Variants in MIIP observed in about 807,000 individuals in gnomAD.
The protein encoded by MIIP is migration and invasion inhibitory protein.
A neutral mutation model predicts 44.8 loss-of-function variants in MIIP; 44 were observed. The ratio of observed to expected loss-of-function variants is 0.98; its 90% CI spans 0.77 to 1.26. The LOEUF (loss-of-function observed/expected upper bound fraction) is 1.26. Ranked by LOEUF, MIIP falls within the 50% of genes most tolerant of loss-of-function variation. The pLI, the probability that MIIP is intolerant of heterozygous loss-of-function variation, is 0.00. For synonymous variants in MIIP, 225 were observed against 218.3 expected (o/e 1.03, Z -0.27); for missense variants, 496 against 511.7 (o/e 0.97, Z 0.30).
In MIIP at chr1:12,022,352, C is replaced by T; in HGVS notation, c.372C>T (p.Asp124=). Residue 124 remains aspartate (D), a synonymous_variant, in exon 3 of 10, where the codon GAC becomes GAT. Transcript: ENST00000235332. ...CGCTGGGCACCTCAAGCCTGAGGGACCCAGAGCCCTCAGGGAGGCTGGGTG... is the reference window on the plus strand; with the variant it reads ...CGCTGGGCACCTCAAGCCTGAGGGATCCAGAGCCCTCAGGGAGGCTGGGTG... ...APSLGTSSLR[D]PEPSGRLGDP... 6.2e-7 allele frequency: 1 copy of T among 1,613,706 alleles called. No homozygotes were observed. The highest frequency in any genetic ancestry group is 1.1e-5 in the South Asian group (1 of 91,068).
In MIIP at chr1:12,031,742, GC is replaced by G. The variant is rs1372794079; in HGVS notation, c.1106del (p.Pro369ArgfsTer23). ...TCCAGGCCTCACCAATGCAGATGCT[GC>G]CCCCGACCCCGACCTGGTCAGTGCC... ...FHPASPMQML[P>X]PTPTWSVPQV... is the part of the protein sequence containing the mutation. On this transcript the variant is annotated frameshift_variant, in exon 10 of 10. Coordinates refer to ENST00000235332, the MANE Select transcript of MIIP (RefSeq NM_021933.4). LOFTEE classifies it low-confidence loss of function (END_TRUNC). 1 of 1,613,956 alleles carries G rather than the reference GC, an allele frequency of 6.2e-7. No homozygotes were observed. The highest frequency in any genetic ancestry group is 8.5e-7 in the Non-Finnish European group (1 of 1,179,988).
At chr1:12,022,949 GC>G (rs780373741) in intron 4 of MIIP, 32 bp downstream of exon 4, 1 of 1,554,784 alleles carries the variant, frequency 6.4e-7, no homozygotes, top group Non-Finnish European at 8.8e-7. Flanking sequence ...CACACACTTT[GC>G]CTGGGAGTGG....
intron 4 of MIIP, among the ~76,000 whole-genome samples, chr1:12,023,818 A>C (rs995832918): frequency 6.6e-6 from 1 of 151,110 alleles, no homozygotes; most frequent in African/African-American, 2.4e-5. Context: ...ACATGGTGAA[A>C]CCCCGTATCT....
Position 12,021,642 on chromosome 1 carries a change from C to A in MIIP, c.-82-3C>A. The A allele has an allele frequency of 1.6e-6, 2 of 1,224,934 alleles. No homozygotes were observed. Among genetic ancestry groups the A allele is most frequent in the East Asian group, 2.4e-5 (1 of 40,950 alleles). The allele number at this position is 1,224,934 out of a possible 1,614,324, so 75.9% of individuals were successfully genotyped here. On this transcript the variant is annotated splice_region_variant and splice_polypyrimidine_tract_variant and intron_variant, in intron 1 of 9. Transcript: ENST00000235332. ...GCCCCGTGTCCTGCTGTCTTGACTT[C>A]AGGTAGAAGAGCTGGGCCTGGAACC...
chr1:12,025,674 T>G (rs774833970), intron 4 of MIIP, among the ~76,000 whole-genome samples: 5 of 152,196 alleles, frequency 3.3e-5, no homozygotes, highest in African/African-American at 4.8e-5. Flanking sequence ...CCCCATGATG[T>G]GACCTCCCGT....
chr1:12,026,083 T>C (rs1640100595), intron 4 of MIIP, among the ~76,000 whole-genome samples: 1 of 151,368 alleles, frequency 6.6e-6, no homozygotes, highest in South Asian at 2.1e-4. Context: ...GGTGGGCGAA[T>C]CACTTGAGGT....
chr1:12,025,522 A>G (rs1640088467), intron 4 of MIIP, among the ~76,000 whole-genome samples: 1 of 152,182 alleles, frequency 6.6e-6, no homozygotes, highest in African/African-American at 2.4e-5. Flanking sequence ...CTTTTGACAT[A>G]GCAGCCAGAG....
intron 4 of MIIP, among the ~76,000 whole-genome samples, chr1:12,025,040 G>GTTTTTTTT (rs1640074638): frequency 2.9e-5 from 4 of 138,850 alleles, no homozygotes; most frequent in Non-Finnish European, 4.6e-5. Context: ...TTTTTTTTTT[G>GTTTTTTTT]TTTTTTGTTT....
chr1:12,020,018 C>A (rs1439215954), intron 1 of MIIP, among the ~76,000 whole-genome samples: 2 of 152,236 alleles, frequency 1.3e-5, no homozygotes, highest in African/African-American at 2.4e-5. Context: ...GTCGGCTACT[C>A]TGTGCTCCAG....
In MIIP at chr1:12,031,319, C is replaced by G; in HGVS notation, c.996C>G (p.Ala332=). Reference sequence around the variant, plus strand: ...CTCCGAAGTCTGAGAAAAGCTCAGCCCCCAGGAACCTGGACCTCTGGTCCT... The same window carrying G: ...CTCCGAAGTCTGAGAAAAGCTCAGCGCCCAGGAACCTGGACCTCTGGTCCT... ...IFPPKSEKSS[A]PRNLDLWSSV... is the part of the protein sequence containing the mutation. The change falls in exon 9 of 10, where the codon GCC becomes GCG. Residue 332 remains alanine, a synonymous_variant. Coordinates refer to ENST00000235332, the MANE Select transcript of MIIP (RefSeq NM_021933.4). The G allele has an allele frequency of 6.2e-7, 1 of 1,614,020 alleles. No homozygotes were observed. Among genetic ancestry groups the G allele is most frequent in the Non-Finnish European group, 8.5e-7 (1 of 1,179,938 alleles).
chr1:12,027,330 C>T (rs570193020), intron 4 of MIIP, among the ~76,000 whole-genome samples: 45 of 152,158 alleles, frequency 3.0e-4, no homozygotes, highest in Non-Finnish European at 5.7e-4. Context: ...TTTCTTAAAT[C>T]GGGCTTCAGC....
Position 12,031,754 on chromosome 1 carries a change from G to A in MIIP, c.1113G>A (p.Pro371=), listed in dbSNP as rs759492545. 5 of 1,613,950 alleles carry A rather than the reference G, an allele frequency of 3.1e-6. No individual in the cohort carries two copies. Among genetic ancestry groups the A allele is most frequent in the South Asian group, 2.2e-5 (2 of 91,068 alleles). The change falls in exon 10 of 10, where the codon CCG becomes CCA. Residue 371 remains proline (P), a synonymous_variant. Coordinates refer to ENST00000235332, the MANE Select transcript of MIIP (RefSeq NM_021933.4). The stretch of plus-strand genomic sequence containing the variant: ...CAATGCAGATGCTGCCCCCGACCCC[G>A]ACCTGGTCAGTGCCCCAGGTCCCTC... ...ASPMQMLPPT[P]TWSVPQVPRP... is the part of the protein sequence containing the mutation.
intron 4 of MIIP, among the ~76,000 whole-genome samples, chr1:12,027,662 T>C (rs531082509): frequency 1.3e-5 from 2 of 151,844 alleles, no homozygotes; most frequent in South Asian, 4.1e-4. Flanking sequence ...TTGGACACTT[T>C]CTCTACTTCT....
intron 4 of MIIP, among the ~76,000 whole-genome samples, chr1:12,025,825 G>A (rs1640094490): frequency 6.6e-6 from 1 of 152,070 alleles, no homozygotes; most frequent in Admixed American, 6.5e-5. Flanking sequence ...AGCCTCCCAG[G>A]TAGCTGGGAT....
Position 12,019,532 on chromosome 1 carries a change from C to G in MIIP, c.-103C>G, listed in dbSNP as rs143608566. ...GGCGGCTGCGGCTGCTACGGCGGCG[C>G]ATGCTAGGGGATTCTGCCGGGTGAG... On this transcript the variant is annotated 5_prime_UTR_variant, in exon 1 of 10. Coordinates refer to ENST00000235332, the MANE Select transcript of MIIP (RefSeq NM_021933.4). 6.5e-6 allele frequency: 1 copy of G among 153,012 alleles called. No homozygotes were observed. Among genetic ancestry groups the G allele is most frequent in the Non-Finnish European group, 1.5e-5 (1 of 68,596 alleles). 9.5% of individuals were successfully genotyped at this position (153,012 alleles called of 1,614,324 possible). A position where few individuals can be genotyped will look rare whatever the true frequency, so the allele number is the denominator to read the frequency against.
At position 12,029,838 on chromosome 1, in the gene MIIP, C is replaced by T. The variant is rs1478707389; in HGVS notation, c.789C>T (p.Cys263=). The stretch of plus-strand genomic sequence containing the variant: ...ATCCCGGTACCCCCTGCCGCCTGTG[C>T]AGGACACCGCGAGACCAGCAGGGCC... The part of the protein sequence containing the change: ...PVDPGTPCRL[C]RTPRDQQGPG... The change falls in exon 7 of 10, where the codon TGC becomes TGT. Residue 263 remains cysteine (C), a synonymous_variant. Coordinates refer to ENST00000235332, the MANE Select transcript of MIIP (RefSeq NM_021933.4). 3 of 1,613,150 alleles carry T rather than the reference C, an allele frequency of 1.9e-6. No homozygotes were observed. The highest frequency in any genetic ancestry group is 3.3e-5 in the Admixed American group (2 of 59,916).
In MIIP at chr1:12,030,079, C is replaced by G. The variant is rs1477726088; in HGVS notation, c.897C>G (p.His299Gln). 2 of 1,613,472 alleles carry G rather than the reference C, an allele frequency of 1.2e-6. No individual in the cohort carries two copies. The highest frequency in any genetic ancestry group is 1.7e-5 in the Admixed American group (1 of 60,020). ...AGCCCCCGCACCGGTACCACATCCA[C>G]CGGCGAAAGAGCTTTGACGCCTCTG... ...ILEPPHRYHI[H>Q]RRKSFDASDT... Residue 299 changes from histidine (H) to glutamine (Q), a missense_variant, in exon 8 of 10, where the codon CAC (histidine) becomes CAG (glutamine). By Grantham distance (24) the His-to-Gln change is conservative (BLOSUM62 0). Coordinates refer to ENST00000235332, the MANE Select transcript of MIIP (RefSeq NM_021933.4).
In MIIP at chr1:12,029,209, C is replaced by T. The variant is rs1477505015; in HGVS notation, c.657-14C>T. ...CTCCATCCCCCGGCCTGCTCATCCC[C>T]CTCGCCCTCTCAGACCCCAGTTGCC... On this transcript the variant is annotated splice_polypyrimidine_tract_variant and intron_variant, in intron 5 of 9. Coordinates refer to ENST00000235332, the MANE Select transcript of MIIP (RefSeq NM_021933.4). 8 of 1,613,544 alleles carry T rather than the reference C, an allele frequency of 5.0e-6. No individual in the cohort carries two copies. The highest frequency in any genetic ancestry group is 6.8e-6 in the Non-Finnish European group (8 of 1,179,856).
At chr1:12,028,735 G>T in intron 4 of MIIP, 1 of 394,214 alleles carries the variant, frequency 2.5e-6, no homozygotes, top group South Asian at 2.9e-5. Flanking sequence ...GCCTCATTAA[G>T]GCCAGGGGCT....
Sources: allele counts gnomAD v4.1 joint callset (sites outside exome capture counted in the v4.1 genomes callset), GRCh38; gene constraint gnomAD v4.1.1; transcripts MANE v1.5; gene names NCBI Gene and HGNC (gene_info 2026-07-23, HGNC 2026-07-21).